FRMPD4: variants seen among roughly 807,000 people sequenced by gnomAD.
FRMPD4 encodes the protein FERM and PDZ domain containing 4, also known as FERM and PDZ domain-containing protein 4.
A neutral mutation model predicts 94.1 loss-of-function variants in FRMPD4; 22 were observed. The observed-to-expected ratio is 0.23, with a 90% CI of 0.17 to 0.33. FRMPD4 has a LOEUF of 0.33. Among genes scored for constraint, FRMPD4 ranks in the 10% least tolerant of loss-of-function variants. FRMPD4 has a pLI of 1.00. For missense variants in FRMPD4, 1,111 were observed against 1,339.9 expected (o/e 0.83, Z 2.67); for synonymous variants, 631 against 548.6 (o/e 1.15, Z -2.10).
chrX:12,183,696 A>G (rs1393428828), intron 1 of FRMPD4, among the ~76,000 whole-genome samples: 1 of 110,693 alleles, frequency 9.0e-6, no homozygotes, highest in Non-Finnish European at 1.9e-5. Context: ...TAATGGCTTG[A>G]TCTCCCTTGC....
chrX:12,472,200 C>T (rs989845885), intron 1 of FRMPD4, among the ~76,000 whole-genome samples: 2 of 112,360 alleles, frequency 1.8e-5, no homozygotes, highest in Middle Eastern at 4.6e-3. Flanking sequence ...CATGATGAAT[C>T]CTGGGGGTCA....
At chrX:12,056,238 G>C (rs1171117228) in intron 3 of FRMPD4, among the ~76,000 whole-genome samples, 1 of 111,710 alleles carries the variant, frequency 9.0e-6, no homozygotes, top group Non-Finnish European at 1.9e-5. Context: ...TTTATTTAAC[G>C]TGTATACATG....
At chrX:12,635,923 C>T (rs2148454145) in intron 4 of FRMPD4, among the ~76,000 whole-genome samples, 1 of 111,785 alleles carries the variant, frequency 8.9e-6, no homozygotes, top group East Asian at 2.8e-4. Context: ...GACCACACAC[C>T]ATACTCCACA....
chrX:12,708,343 A>ATG (rs1248418203), intron 13 of FRMPD4, among the ~76,000 whole-genome samples: 4 of 109,227 alleles, frequency 3.7e-5, no homozygotes, highest in Non-Finnish European at 5.7e-5. Flanking sequence ...GGTGGCGTGC[A>ATG]CCTGTAATCC....
At chrX:12,669,131 C>G (rs748118617) in intron 4 of FRMPD4, among the ~76,000 whole-genome samples, 39 of 111,786 alleles carry the variant, frequency 3.5e-4, no homozygotes, top group Non-Finnish European at 6.6e-4. Context: ...GAGATTGTAG[C>G]TTTCATCATG....
At chrX:12,417,993 C>CAAAAA (rs757060426) in intron 1 of FRMPD4, among the ~76,000 whole-genome samples, 4 of 34,039 alleles carry the variant, frequency 1.2e-4, no homozygotes, top group African/African-American at 1.9e-4. Context: ...GACTCTGTCT[C>CAAAAA]AAAAAAAAAA....
chrX:12,427,321 G>A (rs2056957069), intron 1 of FRMPD4, among the ~76,000 whole-genome samples: 1 of 111,141 alleles, frequency 9.0e-6, no homozygotes, highest in Non-Finnish European at 1.9e-5. Context: ...GAAAAAAACA[G>A]TCTACCAATC....
At chrX:12,558,638 G>T (rs2897786) in intron 2 of FRMPD4, among the ~76,000 whole-genome samples, 1 of 98,541 alleles carries the variant, frequency 1.0e-5, no homozygotes, top group Non-Finnish European at 2.0e-5. Flanking sequence ...GGAGACAGCA[G>T]GGGGAATGCA....
intron 14 of FRMPD4, 68 bp from the exon 15 acceptor site, chrX:12,716,001 T>TGGGC: frequency 2.2e-5 from 5 of 231,642 alleles, no homozygotes; most frequent in East Asian, 8.5e-5. Flanking sequence ...GAGACGAGCC[T>TGGGC]CCCACCCCCG....
chrX:12,334,710 T>G (rs1569235785), intron 1 of FRMPD4, among the ~76,000 whole-genome samples: 1 of 111,219 alleles, frequency 9.0e-6, no homozygotes, highest in Non-Finnish European at 1.9e-5. Context: ...TCCGTTAAAT[T>G]TGACAAATCT....
chrX:12,679,883 C>G (rs2059949511), intron 5 of FRMPD4, among the ~76,000 whole-genome samples: 2 of 111,289 alleles, frequency 1.8e-5, no homozygotes, highest in Admixed American at 9.5e-5. Context: ...ACTCACCTAC[C>G]TGGGATTCCT....
intron 1 of FRMPD4, among the ~76,000 whole-genome samples, chrX:11,833,727 ATATC>A (rs2053487215): frequency 1.8e-5 from 2 of 111,916 alleles, no homozygotes; most frequent in South Asian, 7.6e-4. Flanking sequence ...AGCTCACCGA[ATATC>A]TATTTCCTTC....
At chrX:12,604,840 C>T (rs963106553) in intron 2 of FRMPD4, among the ~76,000 whole-genome samples, 4 of 111,154 alleles carry the variant, frequency 3.6e-5, no homozygotes, top group Non-Finnish European at 5.7e-5. Context: ...AGTAGGCCCC[C>T]GTGTGTGTCG....
chrX:11,964,049 A>G (rs1262184862), intron 3 of FRMPD4, among the ~76,000 whole-genome samples: 2 of 111,886 alleles, frequency 1.8e-5, no homozygotes, highest in African/African-American at 6.5e-5. Context: ...AGCTGCCTAC[A>G]CATAGAGGTG....
At chrX:12,168,922 G>A (rs1291915140) in intron 1 of FRMPD4, among the ~76,000 whole-genome samples, 1 of 111,876 alleles carries the variant, frequency 8.9e-6, no homozygotes, top group Non-Finnish European at 1.9e-5. Context: ...ACCGTGCCTG[G>A]CAAGACACTG....
rs746521307 is a variant in FRMPD4 at position 12,718,795 on chromosome X, A to G, written c.3964+5A>G. ...CCAAGATTAAGGAAACCACAGGTAC[A>G]GCAATGATGGATTTAGCACTTTGTA... On this transcript the variant is annotated splice_donor_5th_base_variant and intron_variant, in intron 16 of 16. Coordinates refer to ENST00000675598, the MANE Select transcript of FRMPD4 (RefSeq NM_001368397.1). 5.7e-5 allele frequency: 64 copies of G among 1,117,760 alleles called. No individual in the cohort carries two copies. The highest frequency in any genetic ancestry group is 7.7e-5 in the Non-Finnish European group (63 of 814,677). 92.1% of individuals were successfully genotyped at this position (1,117,760 alleles called of 1,213,427 possible). A position where few individuals can be genotyped will look rare whatever the true frequency, so the allele number is the denominator to read the frequency against.
chrX:12,652,832 G>T (rs2148475884), intron 4 of FRMPD4, among the ~76,000 whole-genome samples: 1 of 111,554 alleles, frequency 9.0e-6, no homozygotes, highest in Non-Finnish European at 1.9e-5. Flanking sequence ...AGGTGGCAAG[G>T]CCTCTGAAAG....
chrX:12,064,413 A>C (rs934448673), intron 3 of FRMPD4, among the ~76,000 whole-genome samples: 8 of 111,747 alleles, frequency 7.2e-5, no homozygotes, highest in African/African-American at 2.6e-4. Context: ...TTGTTATAGA[A>C]CTAGAGCTTT....
intron 3 of FRMPD4, among the ~76,000 whole-genome samples, chrX:11,943,667 A>G (rs1293743795): frequency 1.8e-5 from 2 of 111,481 alleles, no homozygotes; most frequent in East Asian, 5.6e-4. Flanking sequence ...AGGTCTCACT[A>G]CCCAACAATG....
Sources: allele counts gnomAD v4.1 joint callset (sites outside exome capture counted in the v4.1 genomes callset), GRCh38; gene constraint gnomAD v4.1.1; transcripts MANE v1.5; gene names NCBI Gene and HGNC (gene_info 2026-07-23, HGNC 2026-07-21).